The following ZSWIM4 variants were observed in gnomAD, a reference collection of about 807,000 sequenced individuals.
ZSWIM4 encodes zinc finger SWIM-type containing 4.
A neutral mutation model predicts 102.5 loss-of-function variants in ZSWIM4; 62 were observed. The observed-to-expected ratio is 0.60, with a 90% CI of 0.49 to 0.75. ZSWIM4 has a LOEUF of 0.75. Ranked by LOEUF, ZSWIM4 falls within the 30% of genes least tolerant of loss-of-function variation. The pLI is 0.00. For missense variants in ZSWIM4, 1,280 were observed against 1,529.6 expected (o/e 0.84, Z 2.72); for synonymous variants, 652 against 674.5 (o/e 0.97, Z 0.52).
chr19:13,817,373 T>C lies in ZSWIM4; in HGVS notation c.1669+20T>C, dbSNP rs1168731566. ...ACCCAGGTACTCACATGGGGTACTCTTGGAGGAGGTGGGACAACCCCGCCT... is the reference window on the plus strand; with the variant it reads ...ACCCAGGTACTCACATGGGGTACTCCTGGAGGAGGTGGGACAACCCCGCCT... On this transcript the variant is annotated intron_variant, in intron 8 of 13. Coordinates refer to ENST00000590508, the MANE Select transcript of ZSWIM4 (RefSeq NM_001367834.3). The C allele has an allele frequency of 2.5e-6, 4 of 1,604,506 alleles. No individual in the cohort carries two copies. Among genetic ancestry groups the C allele is most frequent in the Non-Finnish European group, 2.6e-6 (3 of 1,173,060 alleles).
intron 13 of ZSWIM4, among the ~76,000 whole-genome samples, chr19:13,829,354 G>T (rs773042356): frequency 3.9e-5 from 6 of 152,136 alleles, no homozygotes; most frequent in African/African-American, 1.4e-4. Context: ...ACTTTGGGAG[G>T]CCAAGGCATG....
rs1230242575 is a variant in ZSWIM4, at chr19:13,813,171, G to T, written c.1180+7G>T. 1 of 1,606,336 alleles carries T rather than the reference G, an allele frequency of 6.2e-7. No homozygotes were observed. Among genetic ancestry groups the T allele is most frequent in the East Asian group, 2.2e-5 (1 of 44,660 alleles). On this transcript the variant is annotated splice_region_variant and intron_variant, in intron 6 of 13. Transcript: ENST00000590508. ...ACCATGGCCCCCGCCCCAGGTAGGA[G>T]AGAGGGGTCTTTACCATGCCCCCCA... is the stretch of plus-strand genomic sequence containing the variant.
At chr19:13,827,343 A>G (rs113304965) in intron 12 of ZSWIM4, among the ~76,000 whole-genome samples, 4,056 of 151,536 alleles carry the variant, frequency 0.027, 169 homozygotes, top group African/African-American at 0.093. Context: ...TGTGGTTCAC[A>G]CCTGTAATCC....
At position 13,828,725 on chromosome 19, in the gene ZSWIM4, T is replaced by G. The variant is rs144028655; in HGVS notation, c.2460T>G (p.Ile820Met). Residue 820 changes from isoleucine to methionine, a missense_variant and splice_region_variant, in exon 13 of 14, where the codon ATT becomes ATG. Physicochemically the swap from Ile to Met is conservative, Grantham distance 10. Coordinates refer to ENST00000590508, the MANE Select transcript of ZSWIM4 (RefSeq NM_001367834.3). ...VRWLVSCATE[I>M]GPQALMNIMQ... ...GGCTGGTCAGCTGTGCCACAGAGAT[T>G]GGTGAGAGCCCCTAAGGGGACCTGC... 63 of 1,614,072 alleles carry G rather than the reference T, an allele frequency of 3.9e-5. 1 individual carries two copies. In the Middle Eastern group the frequency reaches 1.2e-3, roughly 30 times the overall value.
chr19:13,830,758 T>C lies in ZSWIM4; in HGVS notation c.3029T>C (p.Leu1010Pro), dbSNP rs772780617. The C allele has an allele frequency of 3.5e-5, 56 of 1,607,236 alleles. No individual in the cohort carries two copies. The highest frequency in any genetic ancestry group is 4.4e-5 in the Non-Finnish European group (52 of 1,177,122). ...LRRWTLSAPG[L>P]GPLGARRAAK... ...CGCTGGACTCTCTCGGCGCCCGGTC[T>C]GGGCCCCTTAGGGGCACGCCGGGCC... Residue 1010 changes from leucine to proline, a missense_variant, in exon 14 of 14, where the codon CTG becomes CCG. Transcript: ENST00000590508.
intron 12 of ZSWIM4, among the ~76,000 whole-genome samples, chr19:13,827,337 G>C (rs1204143003): frequency 4.0e-5 from 6 of 151,388 alleles, no homozygotes; most frequent in Middle Eastern, 3.2e-3. Flanking sequence ...AGGCCCTGTG[G>C]TTCACACCTG....
chr19:13,816,990 G>A (rs1037256915), intron 7 of ZSWIM4, among the ~76,000 whole-genome samples: 8 of 152,122 alleles, frequency 5.3e-5, no homozygotes, highest in Non-Finnish European at 2.9e-5. Context: ...CAGGAGGATC[G>A]CTTGAGCTCC....
intron 5 of ZSWIM4, among the ~76,000 whole-genome samples, chr19:13,812,048 C>A (rs1005460069): frequency 9.9e-5 from 15 of 151,766 alleles, no homozygotes; most frequent in African/African-American, 3.6e-4. Flanking sequence ...GCACTCCAGC[C>A]TGGGTGACAG....
At chr19:13,797,172 C>G (rs1911918270) in intron 1 of ZSWIM4, among the ~76,000 whole-genome samples, 1 of 152,220 alleles carries the variant, frequency 6.6e-6, no homozygotes, top group Non-Finnish European at 1.5e-5. Context: ...TCCCCTGCAA[C>G]CCTTTGGCAG....
At position 13,814,817 on chromosome 19, in the gene ZSWIM4, C is replaced by T. The variant is rs1190542540; in HGVS notation, c.1483C>T (p.Arg495Trp). 4.7e-6 allele frequency: 6 copies of T among 1,275,800 alleles called. No homozygotes were observed. Among genetic ancestry groups the T allele is most frequent in the Non-Finnish European group, 6.1e-6 (6 of 978,078 alleles). 79.0% of individuals were successfully genotyped at this position (1,275,800 alleles called of 1,614,324 possible). A position where few individuals can be genotyped will look rare whatever the true frequency, so the allele number is the denominator to read the frequency against. ...GGCAAGTGCCATCATCAACACACTCCGGCTGCAGCAGCGGCATCAGCTAGA... is the reference window on the plus strand; with the variant it reads ...GGCAAGTGCCATCATCAACACACTCTGGCTGCAGCAGCGGCATCAGCTAGA... ...RLASAIINTL[R>W]LQQRHQLESY... Residue 495 changes from arginine (R) to tryptophan (W), a missense_variant, in exon 7 of 14, where the codon CGG becomes TGG. Physicochemically the swap from Arg to Trp is moderately radical, Grantham distance 101. Transcript: ENST00000590508.
chr19:13,823,633 G>C (rs1025890105), intron 11 of ZSWIM4, 133 bp downstream of exon 11: 1 of 1,076,562 alleles, frequency 9.3e-7, no homozygotes, highest in African/African-American at 1.6e-5. Flanking sequence ...CCTCCTATAT[G>C]TACCGGACAC....
At chr19:13,817,192 T>G in intron 7 of ZSWIM4, 24 bp from the exon 8 acceptor site, 3 of 1,599,488 alleles carry the variant, frequency 1.9e-6, no homozygotes, top group Non-Finnish European at 2.6e-6. Flanking sequence ...GTGTGGGCAT[T>G]GAGCCCCCTC....
At chr19:13,811,847 G>C (rs548599866) in intron 5 of ZSWIM4, among the ~76,000 whole-genome samples, 1 of 152,084 alleles carries the variant, frequency 6.6e-6, no homozygotes. Context: ...GGCCGAGGTG[G>C]GCAGATCACT....
intron 5 of ZSWIM4, among the ~76,000 whole-genome samples, chr19:13,811,635 T>A (rs952458864): frequency 1.3e-5 from 2 of 151,976 alleles, no homozygotes; most frequent in South Asian, 4.2e-4. Context: ...GGAGTTCGAG[T>A]GCAGCTTAGA....
intron 2 of ZSWIM4, among the ~76,000 whole-genome samples, chr19:13,804,438 C>T (rs1426351974): frequency 6.6e-6 from 1 of 151,402 alleles, no homozygotes; most frequent in Non-Finnish European, 1.5e-5. Flanking sequence ...CCATTGCACT[C>T]CTGCCTGGGC....
intron 3 of ZSWIM4, 75 bp downstream of exon 3, chr19:13,805,223 G>A: frequency 7.5e-7 from 1 of 1,328,536 alleles, no homozygotes; most frequent in Non-Finnish European, 1.0e-6. Context: ...TGTGCCCAGT[G>A]CTGGTCACTT....
chr19:13,809,307 T>G lies in ZSWIM4; in HGVS notation c.1012+87T>G. The G allele has an allele frequency of 6.8e-7, 1 of 1,478,380 alleles. No homozygotes were observed. The highest frequency in any genetic ancestry group is 2.3e-5 in the Admixed American group (1 of 43,342). The allele number at this position is 1,478,380 out of a possible 1,614,324, so 91.6% of individuals were successfully genotyped here. On this transcript the variant is annotated intron_variant, in intron 5 of 13. Transcript: ENST00000590508. This position sits in a 1 kb window ranked among gnomAD's most constrained non-coding sequence, Gnocchi z 4.2. ...CACTCCAAGATTAGGGTCTGTTCCC[T>G]GAATCCGCCCTCCATTCGTTTGGCA... is the stretch of plus-strand genomic sequence containing the variant.
intron 10 of ZSWIM4, among the ~76,000 whole-genome samples, chr19:13,821,590 G>A (rs968399130): frequency 6.6e-6 from 1 of 152,108 alleles, no homozygotes; most frequent in African/African-American, 2.4e-5. Context: ...CCATTGCCCA[G>A]GCTGGATATG....
rs764853255 is a variant in ZSWIM4, at chr19:13,830,280, A to G, written c.2551A>G (p.Thr851Ala). 2 of 1,613,822 alleles carry G rather than the reference A, an allele frequency of 1.2e-6. No individual in the cohort carries two copies. The highest frequency in any genetic ancestry group is 1.1e-5 in the South Asian group (1 of 91,088). Reference protein sequence around the residue: ...AATIVAVTGTTHATLLRLQLD... With the variant: ...AATIVAVTGTAHATLLRLQLD... ...TACCATCGTGGCAGTGACGGGCACC[A>G]CACACGCCACTCTGCTGCGACTGCA... Residue 851 changes from threonine to alanine, a missense_variant, in exon 14 of 14, where the codon ACA becomes GCA. Thr to Ala is a moderately conservative substitution (Grantham distance 58, BLOSUM62 0). Coordinates refer to ENST00000590508, the MANE Select transcript of ZSWIM4 (RefSeq NM_001367834.3).
Sources: gnomAD v4.1 joint callset for allele counts (sites outside exome capture counted in the v4.1 genomes callset) on GRCh38, gnomAD v4.1.1 for gene constraint, Gnocchi (gnomAD v3.1) non-coding constraint, MANE v1.5 for transcripts, NCBI Gene and HGNC (gene_info 2026-07-23, HGNC 2026-07-21) for gene names.